The following ARHGEF28 variants were observed in gnomAD, a reference collection of about 807,000 sequenced individuals.
The protein encoded by ARHGEF28 is 190 kDa guanine nucleotide exchange factor.
A neutral mutation model predicts 206.6 loss-of-function variants in ARHGEF28; 152 were observed. The ratio of observed to expected loss-of-function variants is 0.74; its 90% confidence interval spans 0.64 to 0.84. The LOEUF is 0.84. ARHGEF28 is among the 40% of genes least tolerant of loss of function. ARHGEF28 has a pLI of 0.00. For missense variants in ARHGEF28, 2,028 were observed against 2,073.2 expected, an observed-to-expected ratio of 0.98 and a Z score of 0.42; for synonymous variants, 763 against 776.4, an observed-to-expected ratio of 0.98 and a Z score of 0.29.
At chr5:73,659,898 AT>A (rs879944191) in intron 1 of ARHGEF28, among the ~76,000 whole-genome samples, 521 of 149,000 alleles carry the variant, frequency 3.5e-3, no homozygotes, top group Non-Finnish European at 5.3e-3. Context: ...TAGTAAGTCA[AT>A]TTTTTTTTTT....
intron 2 of ARHGEF28, among the ~76,000 whole-genome samples, chr5:73,731,892 A>G (rs1004208771): frequency 4.6e-5 from 7 of 152,176 alleles, no homozygotes; most frequent in Admixed American, 4.6e-4. Context: ...TTGTAGAAGT[A>G]CATCTAGCAC....
chr5:73,732,573 A>G (rs1419527930), intron 2 of ARHGEF28, among the ~76,000 whole-genome samples: 1 of 152,130 alleles, frequency 6.6e-6, no homozygotes, highest in Non-Finnish European at 1.5e-5. Flanking sequence ...GTAAGTTTTT[A>G]GTTCCTTTTG....
At position 73,828,825 on chromosome 5, in the gene ARHGEF28, T is replaced by C. The variant is rs115127100; in HGVS notation, c.1025-3513T>C. ...CCTTTCCTTCTTTTCCTTTTTCCTTTTTCTTCTTTGAGACAGGGTGTTACT... is the reference window on the plus strand; with the variant it reads ...CCTTTCCTTCTTTTCCTTTTTCCTTCTTCTTCTTTGAGACAGGGTGTTACT... On this transcript the variant is annotated intron_variant, in intron 9 of 35. Transcript: ENST00000513042. Among the ~76,000 whole-genome samples, 647 of 152,132 alleles carry C rather than the reference T, an allele frequency of 4.3e-3. 4 individuals are homozygous for C. The highest frequency in any genetic ancestry group is 0.015 in the African/African-American group (632 of 41,498).
chr5:73,923,439 G>T (rs1243120685), intron 35 of ARHGEF28, among the ~76,000 whole-genome samples: 2 of 152,146 alleles, frequency 1.3e-5, no homozygotes, highest in Non-Finnish European at 2.9e-5. Context: ...TTACATCAAA[G>T]TATGCTACTG....
intron 16 of ARHGEF28, chr5:73,863,209 G>C (rs1343021547): frequency 6.6e-6 from 1 of 152,086 alleles, no homozygotes; most frequent in Admixed American, 6.5e-5. Context: ...TATGTCTATA[G>C]AGTAGGTGTC....
chr5:73,823,414 G>A (rs1348075663), intron 9 of ARHGEF28, among the ~76,000 whole-genome samples: 1 of 152,092 alleles, frequency 6.6e-6, no homozygotes, highest in Non-Finnish European at 1.5e-5. Context: ...GTCTAAGGAT[G>A]GTTATTCTTA....
In ARHGEF28 at chr5:73,911,515, G is replaced by A. The variant is rs200246828; in HGVS notation, c.4888G>A (p.Ala1630Thr). 956 of 1,613,176 alleles carry A rather than the reference G, an allele frequency of 5.9e-4. 7 individuals are homozygous for A. The highest frequency in any genetic ancestry group is 2.4e-4 in the Non-Finnish European group (283 of 1,179,478). ...SNVSHKLWTAAGSGHQILPFH... is the reference protein window; with the variant it reads ...SNVSHKLWTATGSGHQILPFH... The stretch of plus-strand genomic sequence containing the variant: ...TGTCAGTCACAAACTGTGGACAGCC[G>A]CTGGTTCCGGCCATCAGATACTTCC... Residue 1630 changes from alanine to threonine, a missense_variant, in exon 35 of 36, where the codon GCT (alanine) becomes ACT (threonine). Coordinates refer to ENST00000513042, the MANE Select transcript of ARHGEF28 (RefSeq NM_001177693.2).
At chr5:73,761,436 G>C (rs1364242854) in intron 4 of ARHGEF28, among the ~76,000 whole-genome samples, 1 of 152,156 alleles carries the variant, frequency 6.6e-6, no homozygotes, top group Non-Finnish European at 1.5e-5. Flanking sequence ...AAAAAGTTGG[G>C]TAGGAGAGAT....
chr5:73,660,084 A>G (rs780941944), intron 1 of ARHGEF28, among the ~76,000 whole-genome samples: 40 of 152,184 alleles, frequency 2.6e-4, no homozygotes, highest in African/African-American at 7.2e-5. Flanking sequence ...ATAGCATTTT[A>G]TTCATGGTAA....
intron 22 of ARHGEF28, among the ~76,000 whole-genome samples, chr5:73,880,420 G>A (rs916419589): frequency 1.3e-5 from 2 of 152,132 alleles, no homozygotes; most frequent in Non-Finnish European, 2.9e-5. Flanking sequence ...CTCACGCATG[G>A]TGTGCTGCAC....
intron 13 of ARHGEF28, 105 bp from the exon 14 acceptor site, chr5:73,852,545 G>T: frequency 3.3e-6 from 3 of 917,632 alleles, no homozygotes; most frequent in Non-Finnish European, 1.8e-6. Context: ...TTTCTAGCTG[G>T]TAGTGTGTAT....
chr5:73,695,055 G>C (rs1366293293), intron 2 of ARHGEF28, among the ~76,000 whole-genome samples: 1 of 152,194 alleles, frequency 6.6e-6, no homozygotes, highest in Non-Finnish European at 1.5e-5. Flanking sequence ...CAGTCTAGTA[G>C]AGGGATCAGA....
At chr5:73,714,918 G>A (rs191592425) in intron 2 of ARHGEF28, among the ~76,000 whole-genome samples, 369 of 152,240 alleles carry the variant, frequency 2.4e-3, no homozygotes, top group Non-Finnish European at 2.6e-3. Context: ...GCGTGTGAGT[G>A]TTGAGAAAGT....
chr5:73,844,812 G>A (rs940921491), intron 11 of ARHGEF28, among the ~76,000 whole-genome samples: 39 of 147,012 alleles, frequency 2.7e-4, no homozygotes, highest in Non-Finnish European at 3.7e-4. Flanking sequence ...GAAATGCTTC[G>A]TGCATTAACA....
chr5:73,879,424 T>A (rs986681174), intron 22 of ARHGEF28, among the ~76,000 whole-genome samples: 79 of 152,286 alleles, frequency 5.2e-4, no homozygotes, highest in African/African-American at 1.8e-3. Flanking sequence ...TTCTCTCAAC[T>A]CGTCAAAGTC....
At chr5:73,866,753 C>T (rs917777917) in intron 18 of ARHGEF28, among the ~76,000 whole-genome samples, 1 of 152,192 alleles carries the variant, frequency 6.6e-6, no homozygotes, top group Non-Finnish European at 1.5e-5. Flanking sequence ...CCAATCACGC[C>T]AATGTCTCCT....
At chr5:73,817,261 A>G (rs1756277998) in intron 9 of ARHGEF28, among the ~76,000 whole-genome samples, 1 of 152,226 alleles carries the variant, frequency 6.6e-6, no homozygotes, top group Non-Finnish European at 1.5e-5. Flanking sequence ...TTGCTGGTGC[A>G]AAACCAGGCT....
chr5:73,782,429 C>T (rs1305603593), intron 7 of ARHGEF28, among the ~76,000 whole-genome samples: 1 of 152,042 alleles, frequency 6.6e-6, no homozygotes, highest in African/African-American at 2.4e-5. Flanking sequence ...CACAGTGAGA[C>T]TCCATCTCAA....
chr5:73,805,727 T>A (rs1426145810), intron 9 of ARHGEF28, among the ~76,000 whole-genome samples: 1 of 152,180 alleles, frequency 6.6e-6, no homozygotes, highest in Admixed American at 6.5e-5. Flanking sequence ...TCAGTTAACA[T>A]AGATACACAC....
Sources: gnomAD v4.1 joint callset for allele counts (sites outside exome capture counted in the v4.1 genomes callset) on GRCh38, gnomAD v4.1.1 for gene constraint, MANE v1.5 for transcripts, NCBI Gene and HGNC (gene_info 2026-07-23, HGNC 2026-07-21) for gene names.